Variants in PIGN observed in about 807,000 individuals in gnomAD.
The protein encoded by PIGN is phosphatidylinositol glycan anchor biosynthesis class N.
PIGN carries 117 observed loss-of-function variants against 125.4 expected under a neutral mutation model. The observed-to-expected ratio is 0.93, with a 90% CI of 0.80 to 1.09. The LOEUF (loss-of-function observed/expected upper bound fraction) is 1.09, where lower values mean the gene tolerates loss of function less well. Ranked by LOEUF, PIGN falls within the 50% of genes least tolerant of loss-of-function variation. The pLI is 0.00. For missense variants in PIGN, 1,075 were observed against 1,094.9 expected (o/e 0.98, Z 0.26); for synonymous variants, 392 against 377.8 (o/e 1.04, Z -0.44).
At chr18:62,135,624 T>C (rs1475449316) in intron 14 of PIGN, 21 of 142,682 alleles carry the variant, frequency 1.5e-4, no homozygotes, top group Non-Finnish European at 6.1e-5. Context: ...TTTGTCTTTT[T>C]TTTTTTTTTT....
intron 28 of PIGN, chr18:62,075,971 C>A (rs2033150370): frequency 6.6e-6 from 1 of 151,796 alleles, no homozygotes; most frequent in African/African-American, 2.4e-5. Flanking sequence ...AGTCTCGCTC[C>A]GTCGCCCAGG....
chr18:62,066,526 G>A (rs1035590734), intron 30 of PIGN, among the ~76,000 whole-genome samples: 4 of 152,210 alleles, frequency 2.6e-5, no homozygotes, highest in African/African-American at 9.6e-5. Context: ...GCAATCCTTT[G>A]ACTGACATCC....
intron 28 of PIGN, among the ~76,000 whole-genome samples, chr18:62,078,735 G>C (rs138461747): frequency 0.012 from 1,816 of 152,292 alleles, 22 homozygotes; most frequent in Non-Finnish European, 0.017. Context: ...TGAAGCTACT[G>C]TGTACCTAGA....
chr18:62,064,480 T>C (rs1048291636), intron 30 of PIGN, among the ~76,000 whole-genome samples: 1 of 152,216 alleles, frequency 6.6e-6, no homozygotes, highest in Middle Eastern at 3.2e-3. Flanking sequence ...GAGTGTTCAA[T>C]ATGTATTTTT....
intron 25 of PIGN, among the ~76,000 whole-genome samples, chr18:62,086,416 A>G (rs941782937): frequency 3.3e-5 from 5 of 152,088 alleles, no homozygotes; most frequent in African/African-American, 1.2e-4. Flanking sequence ...CAAGAGATCA[A>G]GACCATCCTG....
chr18:62,088,226 C>T lies in PIGN; in HGVS notation c.2370+530G>A, dbSNP rs111433113. On this transcript the variant is annotated intron_variant, in intron 25 of 30. Coordinates refer to ENST00000640252, the MANE Select transcript of PIGN (RefSeq NM_176787.5). ...AATACATCCCTATGATTTCTTGCAGCTAGTCAGTCAGCCTTTCCAAACTAA... is the reference window on the plus strand; with the variant it reads ...AATACATCCCTATGATTTCTTGCAGTTAGTCAGTCAGCCTTTCCAAACTAA... Among the ~76,000 whole-genome samples, 284 of 152,264 alleles carry T rather than the reference C, an allele frequency of 1.9e-3. 1 individual carries two copies. Among genetic ancestry groups the T allele is most frequent in the African/African-American group, 6.2e-3 (259 of 41,548 alleles).
intron 14 of PIGN, among the ~76,000 whole-genome samples, chr18:62,125,276 AC>A (rs2035492098): frequency 6.6e-6 from 1 of 151,952 alleles, no homozygotes; most frequent in Non-Finnish European, 1.5e-5. Context: ...AAACACACAC[AC>A]ACACACGAAT....
rs1362070884 is a variant in PIGN at position 62,050,020 on chromosome 18, T to C, written c.2673-4041A>G. ...AGATCAGATAGTTGTAGATATGTGG[T>C]GTTATTTCTGAGGGCTCTGTTCTGT... On this transcript the variant is annotated intron_variant, in intron 30 of 30. Transcript: ENST00000640252. Among the ~76,000 whole-genome samples the C allele has an allele frequency of 7.9e-3, 1,189 of 151,232 alleles. 24 individuals carry two copies. The highest frequency in any genetic ancestry group is 0.055 in the East Asian group (275 of 4,992).
intron 23 of PIGN, among the ~76,000 whole-genome samples, chr18:62,031,941 T>C (rs1273307884): frequency 6.6e-6 from 1 of 152,216 alleles, no homozygotes; most frequent in African/African-American, 2.4e-5. Context: ...TGCTCCCTCT[T>C]AAGGCTCTCG....
intron 13 of PIGN, among the ~76,000 whole-genome samples, 197 bp from the exon 14 acceptor site, chr18:62,138,495 A>G (rs899921517): frequency 2.6e-5 from 4 of 152,238 alleles, no homozygotes; most frequent in African/African-American, 4.8e-5. Context: ...GCTGAGAATT[A>G]AACATATCAA....
intron 17 of PIGN, 110 bp downstream of exon 17, chr18:62,109,724 A>T: frequency 1.2e-6 from 1 of 851,298 alleles, no homozygotes; most frequent in Non-Finnish European, 1.8e-6. Context: ...TTGAAAGTAC[A>T]GTATTATAAA....
At chr18:62,167,684 C>A (rs2037199934) in intron 1 of PIGN, among the ~76,000 whole-genome samples, 1 of 137,876 alleles carries the variant, frequency 7.3e-6, no homozygotes, top group Non-Finnish European at 1.6e-5. Context: ...AACACACTCT[C>A]TCTCTCTCTC....
At chr18:62,024,658 A>G (rs1309822154) in intron 23 of PIGN, among the ~76,000 whole-genome samples, 2 of 151,980 alleles carry the variant, frequency 1.3e-5, no homozygotes, top group Non-Finnish European at 2.9e-5. Flanking sequence ...CCTTAGAAGA[A>G]CTCACTAGCT....
chr18:62,101,205 G>A, intron 21 of PIGN, 22 bp from the exon 22 acceptor site: 8 of 1,348,366 alleles, frequency 5.9e-6, no homozygotes, highest in Admixed American at 1.8e-5. Flanking sequence ...GATGAAATAG[G>A]TTAAAAAAAG....
intron 25 of PIGN, among the ~76,000 whole-genome samples, chr18:62,087,814 T>A (rs987523256): frequency 1.3e-5 from 2 of 152,064 alleles, no homozygotes; most frequent in African/African-American, 4.8e-5. Context: ...AGTAAAATAG[T>A]CACACTTAAA....
chr18:62,098,748 T>A (rs879333409), intron 22 of PIGN, among the ~76,000 whole-genome samples: 2 of 152,170 alleles, frequency 1.3e-5, no homozygotes, highest in Non-Finnish European at 2.9e-5. Flanking sequence ...TTTGTAGGTA[T>A]CCTCTAGAAC....
At chr18:62,119,766 C>T (rs933769102) in intron 14 of PIGN, among the ~76,000 whole-genome samples, 1 of 151,094 alleles carries the variant, frequency 6.6e-6, no homozygotes, top group Non-Finnish European at 1.5e-5. Context: ...ATTGCTTGAA[C>T]CTGAGAGGCA....
chr18:62,045,847 T>G lies in PIGN; in HGVS notation c.*9A>C. On this transcript the variant is annotated 3_prime_UTR_variant, in exon 31 of 31. Coordinates refer to ENST00000640252, the MANE Select transcript of PIGN (RefSeq NM_176787.5). ...CAGGATCCAGATGCTGAATGGTGCT[T>G]CAGCAACCTCACATGAAGTGACTTT... 1 of 1,613,426 alleles carries G rather than the reference T, an allele frequency of 6.2e-7. No homozygotes were observed. The highest frequency in any genetic ancestry group is 8.5e-7 in the Non-Finnish European group (1 of 1,179,584).
intron 8 of PIGN, among the ~76,000 whole-genome samples, chr18:62,147,378 A>T (rs1230849032): frequency 6.6e-6 from 1 of 152,222 alleles, no homozygotes; most frequent in African/African-American, 2.4e-5. Flanking sequence ...AATGAGATAG[A>T]TGACGTTCAT....
Sources: gnomAD v4.1 joint callset for allele counts (sites outside exome capture counted in the v4.1 genomes callset) on GRCh38, gnomAD v4.1.1 for gene constraint, MANE v1.5 for transcripts, NCBI Gene and HGNC (gene_info 2026-07-23, HGNC 2026-07-21) for gene names.